The following SLC4A4 variants were observed in gnomAD, a reference collection of about 807,000 sequenced individuals.
SLC4A4 encodes electrogenic sodium bicarbonate cotransporter 1.
A neutral mutation model predicts 111.5 loss-of-function variants in SLC4A4; 27 were observed. The ratio of observed to expected loss-of-function variants is 0.24; its 90% CI spans 0.18 to 0.33. SLC4A4 has a LOEUF of 0.33. SLC4A4 is among the 10% of genes least tolerant of loss of function. The pLI is 1.00. For missense variants in SLC4A4, 909 were observed against 1,315.5 expected, an observed-to-expected ratio of 0.69 and a Z score of 4.78; for synonymous variants, 443 against 463.4, an observed-to-expected ratio of 0.96 and a Z score of 0.57.
chr4:71,567,036 A>G lies in SLC4A4; in HGVS notation c.3229A>G (p.Thr1077Ala). The G allele has an allele frequency of 6.2e-7, 1 of 1,610,412 alleles. No individual in the cohort carries two copies. The highest frequency in any genetic ancestry group is 1.7e-4 in the Middle Eastern group (1 of 6,030). Reference sequence around the variant, plus strand: ...ATCACCAACATTCCTTGAACGCCACACATCATGCTGATAAAATTCCTTTCC... The same window carrying G: ...ATCACCAACATTCCTTGAACGCCACGCATCATGCTGATAAAATTCCTTTCC... ...ERSPTFLERH[T>A]SC is the part of the protein sequence containing the mutation. The change falls in exon 25 of 26, where the codon ACA becomes GCA. Residue 1077 changes from threonine to alanine, a missense_variant. By Grantham distance (58) the Thr-to-Ala change is moderately conservative (BLOSUM62 0). Around this residue, in one of 7 missense-constraint regions of SLC4A4, gnomAD observed 85 missense variants for 79.8 expected, o/e 1.07. Coordinates refer to ENST00000264485, the MANE Select transcript of SLC4A4 (RefSeq NM_001098484.3).
At chr4:71,360,260 T>A (rs1473187558) in intron 6 of SLC4A4, among the ~76,000 whole-genome samples, 1 of 152,174 alleles carries the variant, frequency 6.6e-6, no homozygotes, top group Non-Finnish European at 1.5e-5. Context: ...GTGACTATAC[T>A]GGTACCTTGA....
chr4:71,504,032 T>C (rs999257274), intron 16 of SLC4A4, among the ~76,000 whole-genome samples: 3 of 152,176 alleles, frequency 2.0e-5, no homozygotes, highest in Non-Finnish European at 2.9e-5. Context: ...AATTTCCTAA[T>C]GGAGATTCTC....
At chr4:71,091,853 C>G (rs1040025216) in intron 1 of SLC4A4, among the ~76,000 whole-genome samples, 1 of 152,166 alleles carries the variant, frequency 6.6e-6, no homozygotes, top group Non-Finnish European at 1.5e-5. Context: ...TCTGTAATAA[C>G]AACAAAACAT....
At chr4:71,479,761 A>G (rs1439279669) in intron 14 of SLC4A4, among the ~76,000 whole-genome samples, 1 of 151,724 alleles carries the variant, frequency 6.6e-6, no homozygotes, top group Non-Finnish European at 1.5e-5. Flanking sequence ...CATTTATGGT[A>G]ATAGTGTTTT....
At chr4:71,390,725 C>G (rs771494821) in intron 6 of SLC4A4, among the ~76,000 whole-genome samples, 1 of 152,070 alleles carries the variant, frequency 6.6e-6, no homozygotes, top group Non-Finnish European at 1.5e-5. Context: ...ATTACATTTT[C>G]TCTTTATTAG....
rs376043069 is a variant in SLC4A4 at position 71,156,588 on chromosome 4, G to GCGCACA, written c.-2+63797_-2+63798insGCACAC. On this transcript the variant is annotated intron_variant, in intron 2 of 26. Coordinates refer to the SLC4A4 transcript ENST00000649996. ...TGTGCGCGCATGCGCGCGCGCGCGC[G>GCGCACA]CACACACACACACACACACACACAC... Among the ~76,000 whole-genome samples, 1,294 of 138,492 alleles carry GCGCACA rather than the reference G, an allele frequency of 9.3e-3. 20 individuals are homozygous for GCGCACA. The highest frequency in any genetic ancestry group is 0.033 in the African/African-American group (1,207 of 36,558). The allele number at this position is 138,492 out of a possible 152,430, so 90.9% of individuals were successfully genotyped here.
At position 71,258,758 on chromosome 4, in the gene SLC4A4, G is replaced by A. The variant is rs192747495; in HGVS notation, c.253+3359G>A. 9.2e-5 allele frequency among the ~76,000 whole-genome samples: 14 copies of A among 152,138 alleles called. No individual in the cohort carries two copies. The East Asian group carries it at 1.9e-3, about 21-fold the overall frequency. ...CCTTGGCACATAAAATCTGGTCTTC[G>A]CTTTTAATTATCCCACTTTGGAAAG... On this transcript the variant is annotated intron_variant, in intron 3 of 25. Coordinates refer to ENST00000264485, the MANE Select transcript of SLC4A4 (RefSeq NM_001098484.3).
intron 3 of SLC4A4, among the ~76,000 whole-genome samples, chr4:71,305,483 A>G (rs1329341644): frequency 6.6e-6 from 1 of 152,244 alleles, no homozygotes; most frequent in East Asian, 1.9e-4. Context: ...TAAAGATGAA[A>G]TGTGAGCATT....
intron 7 of SLC4A4, among the ~76,000 whole-genome samples, chr4:71,439,077 T>G (rs560146274): frequency 2.7e-4 from 41 of 152,046 alleles, no homozygotes; most frequent in African/African-American, 9.6e-4. Context: ...CTTTTTTTGA[T>G]AGCAACATTT....
At chr4:71,326,574 T>G (rs898356915) in intron 3 of SLC4A4, among the ~76,000 whole-genome samples, 2 of 152,054 alleles carry the variant, frequency 1.3e-5, no homozygotes, top group African/African-American at 4.8e-5. Context: ...ACCTAACAGG[T>G]TTGTTTTGAG....
At chr4:71,170,648 A>G (rs2148982122) in intron 2 of SLC4A4, among the ~76,000 whole-genome samples, 1 of 152,364 alleles carries the variant, frequency 6.6e-6, no homozygotes, top group East Asian at 1.9e-4. Flanking sequence ...GTTCTAGAGC[A>G]GACAAATAAT....
At chr4:71,200,560 A>G (rs768614236) in intron 1 of SLC4A4, among the ~76,000 whole-genome samples, 2 of 152,202 alleles carry the variant, frequency 1.3e-5, no homozygotes, top group Non-Finnish European at 2.9e-5. Flanking sequence ...TTATTTAGAC[A>G]CAGCTATGAC....
intron 8 of SLC4A4, among the ~76,000 whole-genome samples, chr4:71,443,116 C>CTCTCTCTCTCTCTCTCTCTATATATA (rs1198759861): frequency 1.5e-5 from 1 of 65,658 alleles, no homozygotes; most frequent in African/African-American, 8.7e-5. Context: ...CTCTCTCTCT[C>CTCTCTCTCTCTCTCTCTCTATATATA]TATATATATA....
chr4:71,409,850 C>T (rs902736961), intron 7 of SLC4A4, among the ~76,000 whole-genome samples: 12 of 152,194 alleles, frequency 7.9e-5, no homozygotes, highest in African/African-American at 1.9e-4. Context: ...CCGGGGTCCC[C>T]GTGCTGTATG....
At chr4:71,101,036 G>T (rs562044308) in intron 2 of SLC4A4, among the ~76,000 whole-genome samples, 23 of 152,174 alleles carry the variant, frequency 1.5e-4, no homozygotes, top group African/African-American at 5.1e-4. Flanking sequence ...GAGGCAGGTG[G>T]ATCACGAGGT....
rs187810901 is a variant in SLC4A4 at position 71,442,619 on chromosome 4, T to C, written c.965+1846T>C. On this transcript the variant is annotated intron_variant, in intron 8 of 25. Transcript: ENST00000264485. Reference sequence around the variant, plus strand: ...GGTAGGCATGGTGAAGGACTGCATGTACATTTCATGATATGTTTTAATGTG... The same window carrying C: ...GGTAGGCATGGTGAAGGACTGCATGCACATTTCATGATATGTTTTAATGTG... Among the ~76,000 whole-genome samples, 8 of 152,336 alleles carry C rather than the reference T, an allele frequency of 5.3e-5. No individual in the cohort carries two copies. In the East Asian group the frequency reaches 1.5e-3, roughly 29 times the overall value.
At chr4:71,124,287 TCAGCCTTCTGAA>T (rs1182453632) in intron 2 of SLC4A4, among the ~76,000 whole-genome samples, 1 of 151,614 alleles carries the variant, frequency 6.6e-6, no homozygotes, top group Non-Finnish European at 1.5e-5. Flanking sequence ...TTCTCCTGCC[TCAGCCTTCTGAA>T]CAGCTGGGAC....
intron 2 of SLC4A4, among the ~76,000 whole-genome samples, chr4:71,252,877 T>C (rs1578681542): frequency 2.0e-5 from 3 of 152,292 alleles, no homozygotes; most frequent in Admixed American, 1.3e-4. Context: ...ATCATTAAAA[T>C]GAGTGGATTT....
chr4:71,219,456 T>G (rs560440227), intron 1 of SLC4A4, among the ~76,000 whole-genome samples: 1 of 152,332 alleles, frequency 6.6e-6, no homozygotes, highest in Non-Finnish European at 1.5e-5. Flanking sequence ...ATTGACAAAG[T>G]GCCTGGTTAC....
Sources: allele counts gnomAD v4.1 joint callset (sites outside exome capture counted in the v4.1 genomes callset), GRCh38; gene constraint gnomAD v4.1.1; regional missense constraint gnomAD v4.1.1; transcripts MANE v1.5; gene names NCBI Gene and HGNC (gene_info 2026-07-23, HGNC 2026-07-21).